Variants in ITGA8 observed in about 807,000 individuals in gnomAD.
The protein encoded by ITGA8 is integrin subunit alpha 8.
ITGA8 carries 91 observed loss-of-function variants against 142.3 expected under a neutral mutation model. The observed-to-expected ratio is 0.64, with a 90% CI of 0.54 to 0.76. The LOEUF (loss-of-function observed/expected upper bound fraction) is 0.76, where lower values mean the gene tolerates loss of function less well. Ranked by LOEUF, ITGA8 falls within the 30% of genes least tolerant of loss-of-function variation. The probability of loss-of-function intolerance (pLI) is 0.00; values close to 1 mark genes in which losing one functional copy is unlikely to be tolerated. For missense variants in ITGA8, 1,406 were observed against 1,327.7 expected, an observed-to-expected ratio of 1.06 and a Z score of -0.92; for synonymous variants, 505 against 485.2, an observed-to-expected ratio of 1.04 and a Z score of -0.54.
chr10:15,575,379 G>T, intron 24 of ITGA8, 110 bp downstream of exon 24: 1 of 804,366 alleles, frequency 1.2e-6, no homozygotes. Flanking sequence ...GACACAGCGA[G>T]ATCCTGTCTC....
chr10:15,647,235 A>C (rs531142983), intron 11 of ITGA8, among the ~76,000 whole-genome samples, 184 bp from the exon 12 acceptor site: 59 of 152,302 alleles, frequency 3.9e-4, no homozygotes, highest in African/African-American at 1.4e-3. Flanking sequence ...GTAAGAAAAT[A>C]AGAGCTGTTA....
rs144912488 is a variant in ITGA8, at chr10:15,597,786, G to A, written c.2119-487C>T. On this transcript the variant is annotated intron_variant, in intron 20 of 29. Transcript: ENST00000378076. ...GGTCCCGTTTTGAGATCATGCAATC[G>A]ACTTTCTTCTGTTCTTCAGTATTTC... is the stretch of plus-strand genomic sequence containing the variant. Among the ~76,000 whole-genome samples, 306 of 152,186 alleles carry A rather than the reference G, an allele frequency of 2.0e-3. 1 individual carries two copies. The highest frequency in any genetic ancestry group is 7.2e-3 in the African/African-American group (300 of 41,526).
At chr10:15,531,210 G>A (rs942439679) in intron 27 of ITGA8, 59 bp from the exon 28 acceptor site, 1 of 807,376 alleles carries the variant, frequency 1.2e-6, no homozygotes, top group Non-Finnish European at 1.8e-6. Context: ...GAGTTATACT[G>A]GCAGCCACCT....
At chr10:15,642,209 T>C (rs1183832847) in intron 13 of ITGA8, among the ~76,000 whole-genome samples, 1 of 152,208 alleles carries the variant, frequency 6.6e-6, no homozygotes, top group African/African-American at 2.4e-5. Flanking sequence ...TTCCTGCTGC[T>C]TTTAAATTTT....
At chr10:15,572,435 A>G in intron 24 of ITGA8, 66 bp from the exon 25 acceptor site, 1 of 1,389,684 alleles carries the variant, frequency 7.2e-7, no homozygotes, top group Non-Finnish European at 1.0e-6. Context: ...CAAACTCCAT[A>G]TACTCTATAC....
At position 15,688,021 on chromosome 10, in the gene ITGA8, C is replaced by G; in HGVS notation, c.361G>C (p.Val121Leu). ...FDTTNNRKIR[V>L]NGTKEPIEFK... is the part of the protein sequence containing the mutation. ...TCGATAGGTTCTTTGGTTCCATTAA[C>G]TCTGATCTTTCTGTTGTCTGTCAAA... is the stretch of plus-strand genomic sequence containing the variant. The change falls in exon 3 of 30, where the codon GTT (valine) becomes CTT (leucine). Residue 121 changes from valine to leucine, a missense_variant. Coordinates refer to ENST00000378076, the MANE Select transcript of ITGA8 (RefSeq NM_003638.3). The G allele has an allele frequency of 6.2e-7, 1 of 1,610,928 alleles. No individual in the cohort carries two copies. The highest frequency in any genetic ancestry group is 8.5e-7 in the Non-Finnish European group (1 of 1,177,144).
chr10:15,576,503 G>A (rs192849887), intron 23 of ITGA8, among the ~76,000 whole-genome samples: 4 of 152,140 alleles, frequency 2.6e-5, no homozygotes, highest in East Asian at 1.9e-4. Flanking sequence ...AAAAGAATTC[G>A]TAGACTTTCA....
chr10:15,609,622 A>T (rs1288971257), intron 15 of ITGA8, among the ~76,000 whole-genome samples: 1 of 152,188 alleles, frequency 6.6e-6, no homozygotes, highest in African/African-American at 2.4e-5. Flanking sequence ...TTCAATTAGA[A>T]TTATTCAAGA....
At chr10:15,581,833 T>C (rs1161386200) in intron 23 of ITGA8, among the ~76,000 whole-genome samples, 1 of 152,142 alleles carries the variant, frequency 6.6e-6, no homozygotes, top group Non-Finnish European at 1.5e-5. Flanking sequence ...TAGAAGAGAA[T>C]AGCAAATCCA....
At chr10:15,654,203 G>A (rs1278719195) in intron 11 of ITGA8, among the ~76,000 whole-genome samples, 31 of 152,148 alleles carry the variant, frequency 2.0e-4, no homozygotes, top group Non-Finnish European at 2.9e-5. Flanking sequence ...GAATTATCAG[G>A]ATGTACCAGA....
intron 2 of ITGA8, among the ~76,000 whole-genome samples, chr10:15,706,601 G>A (rs1588740974): frequency 1.3e-5 from 2 of 152,050 alleles, no homozygotes; most frequent in South Asian, 2.1e-4. Flanking sequence ...TACTGCACCT[G>A]CTAATTTTTT....
At chr10:15,625,461 TG>T (rs200529748) in intron 13 of ITGA8, among the ~76,000 whole-genome samples, 62,190 of 151,660 alleles carry the variant, frequency 0.41, 13,110 homozygotes, top group South Asian at 0.62. Flanking sequence ...GTGCAATTGC[TG>T]AAAGCCCTGG....
At chr10:15,617,863 T>C (rs1173544498) in intron 13 of ITGA8, among the ~76,000 whole-genome samples, 1 of 152,230 alleles carries the variant, frequency 6.6e-6, no homozygotes, top group Non-Finnish European at 1.5e-5. Flanking sequence ...ATAAAGAACA[T>C]GTCGTATATA....
intron 2 of ITGA8, among the ~76,000 whole-genome samples, chr10:15,701,746 G>T (rs1313434914): frequency 3.3e-5 from 5 of 152,082 alleles, no homozygotes; most frequent in African/African-American, 9.7e-5. Context: ...GAAAACAGTA[G>T]GTTTCCCTAC....
At chr10:15,706,096 C>T (rs972408178) in intron 2 of ITGA8, among the ~76,000 whole-genome samples, 1 of 152,168 alleles carries the variant, frequency 6.6e-6, no homozygotes, top group Admixed American at 6.5e-5. Flanking sequence ...CATTCGACAT[C>T]TGTTGGGAGG....
At chr10:15,641,259 C>A (rs1466834117) in intron 13 of ITGA8, among the ~76,000 whole-genome samples, 1 of 152,140 alleles carries the variant, frequency 6.6e-6, no homozygotes, top group Non-Finnish European at 1.5e-5. Context: ...CTAAATAAGA[C>A]TAAATCTAAA....
intron 28 of ITGA8, 98 bp from the exon 29 acceptor site, chr10:15,519,510 G>T (rs943482626): frequency 1.6e-6 from 2 of 1,277,286 alleles, no homozygotes; most frequent in Non-Finnish European, 2.2e-6. Flanking sequence ...GATCTGAAAG[G>T]ATCCATATGA....
At chr10:15,644,481 TATATATATATAG>T (rs1206628977) in intron 12 of ITGA8, among the ~76,000 whole-genome samples, 474 of 22,256 alleles carry the variant, frequency 0.021, 22 homozygotes, top group Non-Finnish European at 0.027. Flanking sequence ...TATATATATA[TATATATATATAG>T]AATTTTTTTT....
intron 27 of ITGA8, among the ~76,000 whole-genome samples, chr10:15,535,206 C>G (rs986054745): frequency 4.6e-5 from 7 of 152,164 alleles, no homozygotes; most frequent in African/African-American, 1.7e-4. Flanking sequence ...CCCGCCATGC[C>G]TGAGCCTCCC....
Sources: gnomAD v4.1 joint callset for allele counts (sites outside exome capture counted in the v4.1 genomes callset) on GRCh38, gnomAD v4.1.1 for gene constraint, MANE v1.5 for transcripts, NCBI Gene and HGNC (gene_info 2026-07-23, HGNC 2026-07-21) for gene names.